RIPOR3: variants seen among roughly 807,000 people sequenced by gnomAD.
The protein encoded by RIPOR3 is RIPOR family member 3, also known as family with sequence similarity 65 member C.
In RIPOR3, 95 loss-of-function variants were observed where a neutral mutation model predicts 114.3. The observed-to-expected ratio is 0.83, with a 90% CI of 0.70 to 0.99. RIPOR3 has a LOEUF of 0.99. RIPOR3 is among the 50% of genes least tolerant of loss of function. The pLI is 0.00. For missense variants in RIPOR3, 1,252 were observed against 1,266.9 expected (o/e 0.99, Z 0.18); for synonymous variants, 575 against 543.8 (o/e 1.06, Z -0.80).
intron 1 of RIPOR3, among the ~76,000 whole-genome samples, chr20:50,660,601 A>C (rs915129288): frequency 1.3e-5 from 2 of 152,000 alleles, no homozygotes; most frequent in Non-Finnish European, 2.9e-5. Context: ...GCCTCCCAAC[A>C]CTGCCACAGT....
At chr20:50,664,359 C>G (rs6126065) in intron 1 of RIPOR3, among the ~76,000 whole-genome samples, 47,397 of 152,134 alleles carry the variant, frequency 0.31, 7,864 homozygotes, top group African/African-American at 0.44. Flanking sequence ...GTGAGCCCTC[C>G]CGCCTGTCTG....
At chr20:50,676,033 A>C (rs930431819) in intron 1 of RIPOR3, among the ~76,000 whole-genome samples, 2 of 152,198 alleles carry the variant, frequency 1.3e-5, no homozygotes, top group African/African-American at 4.8e-5. Flanking sequence ...GAGAGACACA[A>C]ATACAGGCAA....
At chr20:50,619,643 G>A (rs964089180) in intron 3 of RIPOR3, among the ~76,000 whole-genome samples, 13 of 152,154 alleles carry the variant, frequency 8.5e-5, no homozygotes, top group East Asian at 3.8e-4. Context: ...GGCCCTCGAC[G>A]CACTGTCTCT....
At chr20:50,592,998 A>G in intron 18 of RIPOR3, 37 bp downstream of exon 18, 2 of 1,609,458 alleles carry the variant, frequency 1.2e-6, no homozygotes, top group Non-Finnish European at 1.7e-6. Context: ...CTCCGTGGAT[A>G]TTCCTCTGCT....
At chr20:50,627,979 G>A (rs186896651) in intron 2 of RIPOR3, among the ~76,000 whole-genome samples, 2 of 152,230 alleles carry the variant, frequency 1.3e-5, no homozygotes, top group African/African-American at 4.8e-5. Flanking sequence ...AGCTGGGAGA[G>A]GGTCACCTGG....
intron 1 of RIPOR3, among the ~76,000 whole-genome samples, chr20:50,643,595 G>C (rs1342171963): frequency 6.6e-6 from 1 of 151,946 alleles, no homozygotes; most frequent in Non-Finnish European, 1.5e-5. Flanking sequence ...TTGGGTCATG[G>C]TCACTCATAA....
chr20:50,623,160 C>T (rs1476600569), intron 2 of RIPOR3, among the ~76,000 whole-genome samples: 1 of 150,648 alleles, frequency 6.6e-6, no homozygotes, highest in Non-Finnish European at 1.5e-5. Context: ...ACTCGGGAGG[C>T]TGAGGCAGGA....
At position 50,608,536 on chromosome 20, in the gene RIPOR3, T is replaced by TGGGGGTG. The variant is rs1568849859; in HGVS notation, c.811-9_811-3dup. ...GCCCAGGCCCCGCAACTCCGTCACCTGGGGGTGGGGGCTGGAGGGTGGTGT... is the reference window on the plus strand; with the variant it reads ...GCCCAGGCCCCGCAACTCCGTCACCTGGGGGTGGGGGGTGGGGGCTGGAGGGTGGTGT... On this transcript the variant is annotated splice_region_variant and splice_polypyrimidine_tract_variant and intron_variant, in intron 10 of 21. Transcript: ENST00000327979. 6.2e-7 allele frequency: 1 copy of TGGGGGTG among 1,613,680 alleles called. No homozygotes were observed.
chr20:50,609,003 G>A, intron 8 of RIPOR3, 48 bp from the exon 9 acceptor site: 3 of 1,554,304 alleles, frequency 1.9e-6, no homozygotes, highest in Non-Finnish European at 2.6e-6. Flanking sequence ...CACTCTCCCT[G>A]ACCTGGGACC....
chr20:50,673,398 C>T (rs770433584), intron 1 of RIPOR3, among the ~76,000 whole-genome samples: 1 of 152,086 alleles, frequency 6.6e-6, no homozygotes, highest in Non-Finnish European at 1.5e-5. Context: ...GCCACGTGGC[C>T]GGTTCCTACA....
In RIPOR3 at chr20:50,587,051, CTG is replaced by C; in HGVS notation, c.*179_*180del. On this transcript the variant is annotated 3_prime_UTR_variant, in exon 22 of 22. Transcript: ENST00000327979. ...ACCTTTGCCTTGCTTTTTTCTGCCT[CTG>C]TACAAAAGACCAGCCCATGCCCTGG... 6 of 595,030 alleles carry C rather than the reference CTG, an allele frequency of 1.0e-5. No homozygotes were observed. The highest frequency in any genetic ancestry group is 3.7e-5 in the African/African-American group (2 of 53,840). 36.9% of individuals were successfully genotyped at this position (595,030 alleles called of 1,614,324 possible). A position where few individuals can be genotyped will look rare whatever the true frequency, so the allele number is the denominator to read the frequency against.
Position 50,592,909 on chromosome 20 carries a change from C to T in RIPOR3, c.2374+126G>A, listed in dbSNP as rs543592322. ...GGCTGAACGCAGAATCTCATTAAAT[C>T]GGGGTTCCCAAAAGAACAGTTGGCG... On this transcript the variant is annotated intron_variant, in intron 18 of 21. Transcript: ENST00000327979. 2.3e-5 allele frequency: 28 copies of T among 1,226,082 alleles called. No homozygotes were observed. In the Admixed American group the frequency reaches 2.7e-4, roughly 12 times the overall value. The allele number at this position is 1,226,082 out of a possible 1,614,324, so 76.0% of individuals were successfully genotyped here.
intron 3 of RIPOR3, among the ~76,000 whole-genome samples, chr20:50,617,860 G>C (rs2123138633): frequency 6.6e-6 from 1 of 151,150 alleles, no homozygotes; most frequent in South Asian, 2.1e-4. Context: ...CTGAATTCGT[G>C]ATCCGCCTGC....
Position 50,623,330 on chromosome 20 carries a change from G to A in RIPOR3, c.123-3198C>T, listed in dbSNP as rs140829922. On this transcript the variant is annotated intron_variant, in intron 2 of 21. Transcript: ENST00000327979. ...TGGTAAATATTAAGCTCAGCTGAAC[G>A]GGGGAAAATACAGTATCCCAAGGGG... 1.7e-3 allele frequency among the ~76,000 whole-genome samples: 251 copies of A among 151,952 alleles called. 2 individuals are homozygous for A. Among genetic ancestry groups the A allele is most frequent in the East Asian group, 0.014 (70 of 5,172 alleles).
At chr20:50,615,243 G>A (rs1260816582) in intron 4 of RIPOR3, among the ~76,000 whole-genome samples, 2 of 151,486 alleles carry the variant, frequency 1.3e-5, no homozygotes, top group East Asian at 3.9e-4. Context: ...ACACTGCCTT[G>A]GCTGGCACAG....
intron 1 of RIPOR3, among the ~76,000 whole-genome samples, chr20:50,687,274 T>G (rs1304848224): frequency 6.6e-6 from 1 of 152,222 alleles, no homozygotes; most frequent in Non-Finnish European, 1.5e-5. Flanking sequence ...AGACAGGATC[T>G]CTACTCCACC....
intron 1 of RIPOR3, among the ~76,000 whole-genome samples, chr20:50,642,345 G>T (rs199691729): frequency 3.9e-4 from 38 of 96,428 alleles, no homozygotes; most frequent in Middle Eastern, 5.0e-3. Flanking sequence ...GTTCTCTGTG[G>T]GTGTGTGTGT....
chr20:50,611,753 T>C (rs1051754156), intron 4 of RIPOR3, among the ~76,000 whole-genome samples: 2 of 152,096 alleles, frequency 1.3e-5, no homozygotes, highest in Non-Finnish European at 1.5e-5. Context: ...CAAACCTTTC[T>C]ATAGGTTTGT....
At chr20:50,615,046 G>A (rs60676824) in intron 4 of RIPOR3, among the ~76,000 whole-genome samples, 9,498 of 150,930 alleles carry the variant, frequency 0.063, 438 homozygotes, top group East Asian at 0.24. Flanking sequence ...AACAGAGTGA[G>A]ACTCCATCTC....
Sources: gnomAD v4.1 joint callset for allele counts (sites outside exome capture counted in the v4.1 genomes callset) on GRCh38, gnomAD v4.1.1 for gene constraint, MANE v1.5 for transcripts, NCBI Gene and HGNC (gene_info 2026-07-23, HGNC 2026-07-21) for gene names.